CABLES1: variants seen among roughly 807,000 people sequenced by gnomAD.
The protein encoded by CABLES1 is CDK5 and ABL1 enzyme substrate 1.
In CABLES1, 36 loss-of-function variants were observed where a neutral mutation model predicts 57.8. The ratio of observed to expected loss-of-function variants is 0.62; its 90% CI spans 0.48 to 0.82. The LOEUF (loss-of-function observed/expected upper bound fraction) is 0.82. Among genes scored for constraint, CABLES1 ranks in the 40% least tolerant of loss-of-function variants. The pLI is 0.00. For synonymous variants in CABLES1, 374 were observed against 363.0 expected (o/e 1.03, Z -0.35); for missense variants, 767 against 836.6 (o/e 0.92, Z 1.03).
intron 9 of CABLES1, among the ~76,000 whole-genome samples, chr18:23,255,781 G>C (rs1397645901): frequency 6.6e-6 from 1 of 151,840 alleles, no homozygotes; most frequent in Non-Finnish European, 1.5e-5. Context: ...GGCTAGTCTC[G>C]AACTCCTGGC....
intron 1 of CABLES1, among the ~76,000 whole-genome samples, chr18:23,153,580 A>G (rs140979464): frequency 1.3e-5 from 2 of 152,198 alleles, no homozygotes; most frequent in East Asian, 3.9e-4. Flanking sequence ...CTAGAAATAT[A>G]AATAGTAACC....
At chr18:23,179,971 T>G (rs2047152825) in intron 1 of CABLES1, among the ~76,000 whole-genome samples, 1 of 152,230 alleles carries the variant, frequency 6.6e-6, no homozygotes. Context: ...CAGGCTGGAG[T>G]GCAGTGGCGC....
At chr18:23,155,712 G>T (rs1216573669) in intron 1 of CABLES1, 3 of 913,646 alleles carry the variant, frequency 3.3e-6, no homozygotes, top group Non-Finnish European at 4.7e-6. Context: ...TCTCCACGTG[G>T]CAGGATCCTA....
intron 1 of CABLES1, among the ~76,000 whole-genome samples, chr18:23,165,012 A>T (rs1158874425): frequency 1.3e-5 from 2 of 152,122 alleles, no homozygotes; most frequent in African/African-American, 4.8e-5. Flanking sequence ...AACTCAGGTG[A>T]TCTGCCCACC....
intron 2 of CABLES1, chr18:23,190,513 G>A (rs1171081834): frequency 2.6e-5 from 4 of 152,208 alleles, no homozygotes; most frequent in Non-Finnish European, 4.4e-5. Context: ...GTGTCGAGGA[G>A]AGGCTGGAGG....
At chr18:23,231,711 A>G (rs1676184264) in intron 4 of CABLES1, among the ~76,000 whole-genome samples, 1 of 152,142 alleles carries the variant, frequency 6.6e-6, no homozygotes, top group East Asian at 1.9e-4. Context: ...GTTTCTTTAA[A>G]TGGGTTTGGG....
At chr18:23,215,264 C>A (rs1160635676) in intron 4 of CABLES1, among the ~76,000 whole-genome samples, 1 of 152,154 alleles carries the variant, frequency 6.6e-6, no homozygotes, top group East Asian at 1.9e-4. Flanking sequence ...TTTCGGGCAG[C>A]TCTCTTTGAC....
intron 7 of CABLES1, among the ~76,000 whole-genome samples, chr18:23,242,467 T>G (rs907331862): frequency 6.6e-6 from 1 of 152,184 alleles, no homozygotes; most frequent in Admixed American, 6.5e-5. Context: ...CCTCTTGGCA[T>G]ATAATTAAAG....
At chr18:23,239,737 C>T (rs1363851991) in intron 7 of CABLES1, among the ~76,000 whole-genome samples, 1 of 152,222 alleles carries the variant, frequency 6.6e-6, no homozygotes, top group Admixed American at 6.5e-5. Context: ...CTCTTCTCCT[C>T]CACCTTGGAG....
intron 1 of CABLES1, among the ~76,000 whole-genome samples, chr18:23,160,546 C>T (rs1015179975): frequency 3.3e-5 from 5 of 152,162 alleles, no homozygotes; most frequent in African/African-American, 7.2e-5. Context: ...TTGAGCATGT[C>T]TGTTGTTTGA....
chr18:23,227,263 T>TC (rs1598840893), intron 4 of CABLES1, among the ~76,000 whole-genome samples: 1 of 152,240 alleles, frequency 6.6e-6, no homozygotes, highest in East Asian at 1.9e-4. Context: ...CCACCCACTT[T>TC]CCCCAGAAAA....
At chr18:23,203,490 A>ATTT (rs1482619117) in intron 3 of CABLES1, among the ~76,000 whole-genome samples, 14 of 152,236 alleles carry the variant, frequency 9.2e-5, no homozygotes, top group African/African-American at 3.4e-4. Flanking sequence ...ACACGTTAAA[A>ATTT]GACTTCAGCA....
chr18:23,202,951 C>T (rs947628086), intron 3 of CABLES1, among the ~76,000 whole-genome samples: 1 of 149,128 alleles, frequency 6.7e-6, no homozygotes, highest in Non-Finnish European at 1.5e-5. Context: ...CGCACCTCTG[C>T]ACTCCAGCCT....
intron 1 of CABLES1, among the ~76,000 whole-genome samples, chr18:23,168,844 G>A (rs532113995): frequency 6.6e-6 from 1 of 152,214 alleles, no homozygotes; most frequent in East Asian, 1.9e-4. Context: ...GTACTAATAG[G>A]GAACCTTGCA....
intron 6 of CABLES1, among the ~76,000 whole-genome samples, chr18:23,236,680 C>T (rs1378813133): frequency 2.0e-5 from 3 of 152,160 alleles, no homozygotes; most frequent in Non-Finnish European, 2.9e-5. Context: ...TCTGATCGTT[C>T]GCAGCTGTGC....
intron 1 of CABLES1, among the ~76,000 whole-genome samples, chr18:23,181,206 C>T (rs78051950): frequency 0.014 from 2,147 of 152,188 alleles, 56 homozygotes; most frequent in African/African-American, 0.049. Context: ...CGGCCCTAGG[C>T]CAGCCGCGGT....
At chr18:23,256,962 A>G (rs1345940008) in intron 9 of CABLES1, among the ~76,000 whole-genome samples, 1 of 152,178 alleles carries the variant, frequency 6.6e-6, no homozygotes, top group Non-Finnish European at 1.5e-5. Flanking sequence ...AGCATGAACC[A>G]TGTCATATTC....
chr18:23,209,332 C>G (rs921205841), intron 3 of CABLES1, among the ~76,000 whole-genome samples: 3 of 152,174 alleles, frequency 2.0e-5, no homozygotes, highest in African/African-American at 7.2e-5. Context: ...TGGAACACAT[C>G]CCTTGTGGAT....
At chr18:23,172,955 C>G (rs1436952294) in intron 1 of CABLES1, among the ~76,000 whole-genome samples, 1 of 152,216 alleles carries the variant, frequency 6.6e-6, no homozygotes, top group Non-Finnish European at 1.5e-5. Context: ...CTCCTGAAAA[C>G]TGGATCAGGC....
Sources: gnomAD v4.1 joint callset for allele counts (sites outside exome capture counted in the v4.1 genomes callset) on GRCh38, gnomAD v4.1.1 for gene constraint, MANE v1.5 for transcripts, NCBI Gene and HGNC (gene_info 2026-07-23, HGNC 2026-07-21) for gene names.